Variants in CFTR observed in about 807,000 individuals in gnomAD.
CFTR encodes cystic fibrosis transmembrane conductance regulator.
Under a neutral mutation model 171.6 loss-of-function variants are expected in CFTR, and 181 were observed. The observed-to-expected ratio is 1.05, with a 90% CI of 0.93 to 1.19. The LOEUF (loss-of-function observed/expected upper bound fraction) is 1.19. Ranked by LOEUF, CFTR falls within the 50% of genes most tolerant of loss-of-function variation. CFTR has a pLI of 0.00. For missense variants in CFTR, 1,968 were observed against 1,734.7 expected (o/e 1.13, Z -2.39); for synonymous variants, 583 against 608.0 (o/e 0.96, Z 0.60).
chr7:117,498,359 C>T (rs17139984), intron 1 of CFTR, among the ~76,000 whole-genome samples: 2,236 of 152,232 alleles, frequency 0.015, 54 homozygotes, highest in African/African-American at 0.051. Context: ...CAAGTGATTA[C>T]TGCTTATAAA....
intron 2 of CFTR, 143 bp from the exon 3 acceptor site, chr7:117,508,891 G>A (rs1329204932): frequency 1.5e-6 from 1 of 674,728 alleles, no homozygotes. Context: ...GGTGTTGTAT[G>A]GTCTCCATGA....
intron 11 of CFTR, chr7:117,560,664 A>G (rs1012822290): frequency 6.6e-6 from 1 of 151,878 alleles, no homozygotes; most frequent in African/African-American, 2.4e-5. Flanking sequence ...TTAGAGCCCC[A>G]TTCTTATTTT....
chr7:117,644,474 T>C (rs1444726148), intron 23 of CFTR, among the ~76,000 whole-genome samples: 1 of 152,130 alleles, frequency 6.6e-6, no homozygotes, highest in African/African-American at 2.4e-5. Flanking sequence ...GTTTGTTTGC[T>C]TTTCTGTTTT....
rs575901276 is a variant in CFTR, at chr7:117,491,781, G to T, written c.53+11634G>T. Among the ~76,000 whole-genome samples, 10 of 152,140 alleles carry T rather than the reference G, an allele frequency of 6.6e-5. No homozygotes were observed. In the East Asian group the frequency reaches 1.9e-3, roughly 29 times the overall value. On this transcript the variant is annotated intron_variant, in intron 1 of 26. Transcript: ENST00000003084. ...TGTAAAGATCCTATCTCTAAATAAG[G>T]TCACATCCTTAGGTACCGGGGGTTA...
In CFTR at chr7:117,535,395, A is replaced by G. The variant is rs763914313; in HGVS notation, c.727A>G (p.Met243Val). 4 of 1,614,056 alleles carry G rather than the reference A, an allele frequency of 2.5e-6. No individual in the cohort carries two copies. The highest frequency in any genetic ancestry group is 1.1e-5 in the South Asian group (1 of 91,094). ...CCTTTTTCAGGCTGGGCTAGGGAGAATGATGATGAAGTACAGGTAGCAACC... is the reference window on the plus strand; with the variant it reads ...CCTTTTTCAGGCTGGGCTAGGGAGAGTGATGATGAAGTACAGGTAGCAACC... ...LALFQAGLGR[M>V]MMKYRDQRAG... Residue 243 changes from methionine to valine, a missense_variant, in exon 6 of 27, where the codon ATG becomes GTG. Coordinates refer to ENST00000003084, the MANE Select transcript of CFTR (RefSeq NM_000492.4).
intron 11 of CFTR, among the ~76,000 whole-genome samples, chr7:117,569,161 G>A (rs910984325): frequency 6.6e-6 from 1 of 152,118 alleles, no homozygotes; most frequent in African/African-American, 2.4e-5. Context: ...GGTGAGTGTA[G>A]TATAAGAAGA....
intron 13 of CFTR, among the ~76,000 whole-genome samples, chr7:117,590,911 G>T (rs1176780899): frequency 3.3e-5 from 5 of 151,942 alleles, no homozygotes; most frequent in African/African-American, 9.7e-5. Flanking sequence ...CTCCTCCTCA[G>T]TCACACAGAG....
chr7:117,589,113 G>A (rs213963), intron 12 of CFTR, among the ~76,000 whole-genome samples: 82,630 of 151,776 alleles, frequency 0.54, 25,183 homozygotes, highest in African/African-American at 0.83. Context: ...ATAATTGTCT[G>A]TTCTTATTCT....
rs1258355663 is a variant in CFTR, at chr7:117,617,354, G to A, written c.3468+2641G>A. Among the ~76,000 whole-genome samples the A allele has an allele frequency of 4.0e-5, 6 of 150,822 alleles. No homozygotes were observed. In the East Asian group the frequency reaches 1.2e-3, roughly 30 times the overall value. On this transcript the variant is annotated intron_variant, in intron 21 of 26. Coordinates refer to ENST00000003084, the MANE Select transcript of CFTR (RefSeq NM_000492.4). ...CTTTCTTTAGCTCTCAACTAATAAAGGTAATGTTTAGATAACATTTAACGT... is the reference window on the plus strand; with the variant it reads ...CTTTCTTTAGCTCTCAACTAATAAAAGTAATGTTTAGATAACATTTAACGT...
rs553243817 is a variant in CFTR at position 117,575,652 on chromosome 7, C to A, written c.1585-12087C>A. Among the ~76,000 whole-genome samples, 9 of 152,130 alleles carry A rather than the reference C, an allele frequency of 5.9e-5. 1 individual carries two copies. The South Asian group carries it at 1.9e-3, about 32-fold the overall frequency. The stretch of plus-strand genomic sequence containing the variant: ...TGGCTCATAAATGACTTTGCCAAAC[C>A]TTCCTTAGACTGCTCAGTGTTCTAA... On this transcript the variant is annotated intron_variant, in intron 11 of 26. Coordinates refer to ENST00000003084, the MANE Select transcript of CFTR (RefSeq NM_000492.4).
At chr7:117,663,878 A>G in intron 24 of CFTR, among the ~76,000 whole-genome samples, 1 of 152,308 alleles carries the variant, frequency 6.6e-6, no homozygotes, top group East Asian at 1.9e-4. Context: ...CAATACTTCA[A>G]TAACTTTGTC....
chr7:117,540,834 A>G (rs2115878146), intron 8 of CFTR, among the ~76,000 whole-genome samples: 1 of 152,310 alleles, frequency 6.6e-6, no homozygotes, highest in African/African-American at 2.4e-5. Flanking sequence ...GAGGTTGCAA[A>G]TGGTGTCCCA....
At chr7:117,638,166 G>T (rs1792854918) in intron 22 of CFTR, among the ~76,000 whole-genome samples, 2 of 152,100 alleles carry the variant, frequency 1.3e-5, no homozygotes, top group African/African-American at 4.8e-5. Context: ...GTACCTAACT[G>T]CCTGTCTCCC....
At chr7:117,499,315 A>C (rs1240559038) in intron 1 of CFTR, among the ~76,000 whole-genome samples, 2 of 151,982 alleles carry the variant, frequency 1.3e-5, no homozygotes, top group African/African-American at 4.8e-5. Flanking sequence ...TATGAAAATC[A>C]AAGCTTTAAT....
rs397508430 is a variant in CFTR at position 117,603,630 on chromosome 7, A to G, written c.2756A>G (p.Tyr919Cys). Residue 919 changes from tyrosine (Y) to cysteine (C), a missense_variant, in exon 17 of 27, where the codon TAC (tyrosine) becomes TGC (cysteine). Tyr to Cys is a radical substitution (Grantham distance 194). Coordinates refer to ENST00000003084, the MANE Select transcript of CFTR (RefSeq NM_000492.4). ...STSSYYVFYIYVGVADTLLAM... is the reference protein window; with the variant it reads ...STSSYYVFYICVGVADTLLAM... The stretch of plus-strand genomic sequence containing the variant: ...AGTTCGTATTATGTGTTTTACATTT[A>G]CGTGGGAGTAGCCGACACTTTGCTT... 48 of 1,614,122 alleles carry G rather than the reference A, an allele frequency of 3.0e-5. 1 individual carries two copies. The South Asian group carries it at 3.5e-4, about 12-fold the overall frequency.
At chr7:117,649,308 G>A (rs1562925122) in intron 23 of CFTR, among the ~76,000 whole-genome samples, 1 of 147,972 alleles carries the variant, frequency 6.8e-6, no homozygotes, top group Admixed American at 6.8e-5. Context: ...GTGTGTATAT[G>A]TGTGTGTGTA....
At chr7:117,573,498 A>T (rs1791726177) in intron 11 of CFTR, among the ~76,000 whole-genome samples, 2 of 152,152 alleles carry the variant, frequency 1.3e-5, no homozygotes, top group African/African-American at 4.8e-5. Flanking sequence ...CTCAAACATT[A>T]GTACACATAG....
chr7:117,646,897 C>T (rs758238592), intron 23 of CFTR, among the ~76,000 whole-genome samples: 5 of 151,944 alleles, frequency 3.3e-5, no homozygotes, highest in Admixed American at 1.3e-4. Flanking sequence ...TATGCTATCT[C>T]TGAAAATGTA....
chr7:117,623,527 A>G (rs1313303129), intron 21 of CFTR, among the ~76,000 whole-genome samples: 2 of 152,204 alleles, frequency 1.3e-5, no homozygotes, highest in African/African-American at 4.8e-5. Context: ...ACTCTAAATG[A>G]GAGAAAAGGT....
Sources: gnomAD v4.1 joint callset for allele counts (sites outside exome capture counted in the v4.1 genomes callset) on GRCh38, gnomAD v4.1.1 for gene constraint, MANE v1.5 for transcripts, NCBI Gene and HGNC (gene_info 2026-07-23, HGNC 2026-07-21) for gene names.